The following WDR93 variants were observed in gnomAD, a reference collection of about 807,000 sequenced individuals.
The protein encoded by WDR93 is WD repeat-containing protein 93.
A neutral mutation model predicts 82.9 loss-of-function variants in WDR93; 73 were observed. The observed-to-expected ratio is 0.88, with a 90% confidence interval of 0.73 to 1.07. WDR93 has a LOEUF of 1.07. WDR93 is among the 50% of genes least tolerant of loss of function. WDR93 has a pLI of 0.00. For missense variants in WDR93, 738 were observed against 826.0 expected, an observed-to-expected ratio of 0.89 and a Z score of 1.31; for synonymous variants, 283 against 300.1, an observed-to-expected ratio of 0.94 and a Z score of 0.59.
rs1964832262 is a variant in WDR93 at position 89,690,853 on chromosome 15, G to A, written c.-45G>A. 1.8e-5 allele frequency: 10 copies of A among 545,918 alleles called. No homozygotes were observed. The East Asian group carries it at 3.2e-4, about 18-fold the overall frequency. 33.8% of individuals were successfully genotyped at this position (545,918 alleles called of 1,614,324 possible). A position where few individuals can be genotyped will look rare whatever the true frequency, so the allele number is the denominator to read the frequency against. On this transcript the variant is annotated 5_prime_UTR_variant, in exon 1 of 17. Coordinates refer to ENST00000268130, the MANE Select transcript of WDR93 (RefSeq NM_020212.2). Reference sequence around the variant, plus strand: ...TACCAAGGCGACGCAACGCCGCCCGGCCAGGTGAGCAAAACTGATCTTACC... The same window carrying A: ...TACCAAGGCGACGCAACGCCGCCCGACCAGGTGAGCAAAACTGATCTTACC...
chr15:89,740,554 T>C (rs1967583976), intron 16 of WDR93, among the ~76,000 whole-genome samples: 1 of 152,196 alleles, frequency 6.6e-6, no homozygotes, highest in African/African-American at 2.4e-5. Context: ...CAGGCTGAAG[T>C]GCACTGGCGC....
At chr15:89,727,370 G>T in intron 9 of WDR93, 42 bp downstream of exon 9, 2 of 1,601,520 alleles carry the variant, frequency 1.2e-6, no homozygotes, top group Non-Finnish European at 1.7e-6. Context: ...GCATCCCCAG[G>T]CTTCTGCTGT....
chr15:89,692,859 C>T (rs918427462), intron 1 of WDR93, among the ~76,000 whole-genome samples: 13 of 152,164 alleles, frequency 8.5e-5, no homozygotes, highest in African/African-American at 4.8e-5. Flanking sequence ...CCACCTACCT[C>T]GAGCTCCCAA....
chr15:89,729,615 AC>A, intron 10 of WDR93, 67 bp from the exon 11 acceptor site: 2 of 1,297,920 alleles, frequency 1.5e-6, no homozygotes, highest in Non-Finnish European at 2.2e-6. Flanking sequence ...TTCTGTGCAA[AC>A]CAAAGGCCAC....
intron 1 of WDR93, among the ~76,000 whole-genome samples, chr15:89,692,921 A>G (rs1964974482): frequency 7.0e-6 from 1 of 143,672 alleles, no homozygotes; most frequent in Non-Finnish European, 1.5e-5. Context: ...TCTGTTTTTT[A>G]TACCTACAAT....
intron 8 of WDR93, 62 bp from the exon 9 acceptor site, chr15:89,727,095 G>A: frequency 1.9e-6 from 3 of 1,555,178 alleles, no homozygotes; most frequent in Non-Finnish European, 2.6e-6. Flanking sequence ...GGAAGAAGTA[G>A]GGGAAAATCA....
At position 89,701,792 on chromosome 15, in the gene WDR93, A is replaced by G. The variant is rs1965476543; in HGVS notation, c.46A>G (p.Ile16Val). The G allele has an allele frequency of 4.3e-6, 7 of 1,613,962 alleles. No homozygotes were observed. The highest frequency in any genetic ancestry group is 4.5e-5 in the East Asian group (2 of 44,886). Residue 16 changes from isoleucine to valine, a missense_variant, in exon 2 of 17, where the codon ATT becomes GTT. Ile to Val is a conservative substitution (Grantham distance 29, BLOSUM62 3). Coordinates refer to ENST00000268130, the MANE Select transcript of WDR93 (RefSeq NM_020212.2). ...GSQTQKIKHP[I>V]GTRKGPLEVP... The stretch of plus-strand genomic sequence containing the variant: ...TCAGACCCAGAAAATAAAGCACCCC[A>G]TTGGTACACGAAAGGGACCATTGGA...
At chr15:89,712,005 C>G (rs1484634336) in intron 4 of WDR93, 21 bp from the exon 5 acceptor site, 1 of 1,603,356 alleles carries the variant, frequency 6.2e-7, no homozygotes, top group Non-Finnish European at 8.5e-7. Context: ...CCTACTCTAT[C>G]AACATCTCTT....
chr15:89,716,941 T>G lies in WDR93; in HGVS notation c.787T>G (p.Leu263Val). ...CCTTGGTCCCATTTCTGCAGATCCTTTAGAAATGGTAAGAAACTTTAAAGA... is the reference window on the plus strand; with the variant it reads ...CCTTGGTCCCATTTCTGCAGATCCTGTAGAAATGGTAAGAAACTTTAAAGA... ...NSLGPISADPLEMDANVSFKG... is the reference protein window; with the variant it reads ...NSLGPISADPVEMDANVSFKG... Residue 263 changes from leucine (L) to valine (V), a missense_variant, in exon 7 of 17, where the codon TTA (leucine) becomes GTA (valine). Leu to Val is a conservative substitution (Grantham distance 32, BLOSUM62 1). Coordinates refer to ENST00000268130, the MANE Select transcript of WDR93 (RefSeq NM_020212.2). The G allele has an allele frequency of 6.5e-7, 1 of 1,548,258 alleles. No homozygotes were observed. The highest frequency in any genetic ancestry group is 8.7e-7 in the Non-Finnish European group (1 of 1,146,960).
intron 8 of WDR93, among the ~76,000 whole-genome samples, chr15:89,725,883 A>C (rs1966718320): frequency 6.6e-6 from 1 of 152,124 alleles, no homozygotes; most frequent in South Asian, 2.1e-4. Context: ...TCTTGACCTG[A>C]GTAGATGATA....
chr15:89,695,088 G>A (rs1965101070), intron 1 of WDR93, among the ~76,000 whole-genome samples: 1 of 151,626 alleles, frequency 6.6e-6, no homozygotes, highest in African/African-American at 2.4e-5. Flanking sequence ...GTAACTTTGT[G>A]ATAAGTCTTG....
intron 8 of WDR93, among the ~76,000 whole-genome samples, chr15:89,725,784 A>T (rs1166856384): frequency 4.0e-5 from 6 of 150,366 alleles, no homozygotes; most frequent in African/African-American, 1.2e-4. Flanking sequence ...CTGGTCTCAA[A>T]CTCCGGGGCT....
intron 6 of WDR93, among the ~76,000 whole-genome samples, chr15:89,716,313 G>A (rs980280384): frequency 1.3e-5 from 2 of 152,032 alleles, no homozygotes; most frequent in Non-Finnish European, 2.9e-5. Flanking sequence ...TGTCTTCAAT[G>A]GATAATAAAT....
At chr15:89,717,661 T>C (rs567653748) in intron 7 of WDR93, among the ~76,000 whole-genome samples, 1 of 152,372 alleles carries the variant, frequency 6.6e-6, no homozygotes, top group East Asian at 1.9e-4. Flanking sequence ...GTAACCATAA[T>C]CACTTAATTC....
At chr15:89,690,487 T>TA (rs1964809795), upstream of WDR93, 2 of 928,440 alleles carry the variant, frequency 2.2e-6, no homozygotes, top group Non-Finnish European at 3.3e-6. Flanking sequence ...TCTACTAGGC[T>TA]ATCACCTCCT....
chr15:89,691,045 GTC>G (rs1037382155), intron 1 of WDR93, among the ~76,000 whole-genome samples, 188 bp downstream of exon 1: 4 of 152,102 alleles, frequency 2.6e-5, no homozygotes, highest in Non-Finnish European at 5.9e-5. Flanking sequence ...ATCCCGAATG[GTC>G]TCTCCAGCCT....
At chr15:89,705,101 C>T (rs759490916) in intron 3 of WDR93, 11 of 162,880 alleles carry the variant, frequency 6.8e-5, no homozygotes, top group South Asian at 5.3e-4. Flanking sequence ...ATTAACTGCA[C>T]GAGGAGCTTG....
chr15:89,705,469 A>G, intron 3 of WDR93, 85 bp from the exon 4 acceptor site: 1 of 831,082 alleles, frequency 1.2e-6, no homozygotes, highest in Non-Finnish European at 2.1e-6. Flanking sequence ...CATGATGGTA[A>G]GTTCACAAAG....
At chr15:89,693,029 T>G (rs540246168) in intron 1 of WDR93, among the ~76,000 whole-genome samples, 1 of 152,242 alleles carries the variant, frequency 6.6e-6, no homozygotes, top group African/African-American at 2.4e-5. Context: ...GCATTTGAGA[T>G]TATCTATGTT....
Sources: allele counts gnomAD v4.1 joint callset (sites outside exome capture counted in the v4.1 genomes callset), GRCh38; gene constraint gnomAD v4.1.1; transcripts MANE v1.5; gene names NCBI Gene and HGNC (gene_info 2026-07-23, HGNC 2026-07-21).